CD44: variants seen among roughly 807,000 people sequenced by gnomAD.
The protein encoded by CD44 is CD44 antigen.
Under a neutral mutation model 88.8 loss-of-function variants are expected in CD44, and 49 were observed. The ratio of observed to expected loss-of-function variants is 0.55; its 90% CI spans 0.44 to 0.70. The LOEUF is 0.70. Ranked by LOEUF, CD44 falls within the 30% of genes least tolerant of loss-of-function variation. CD44 has a pLI of 0.00. For missense variants in CD44, 883 were observed against 913.8 expected (o/e 0.97, Z 0.43); for synonymous variants, 325 against 312.3 (o/e 1.04, Z -0.43).
At chr11:35,173,930 A>G (rs1164468117) in intron 1 of CD44, among the ~76,000 whole-genome samples, 1 of 152,212 alleles carries the variant, frequency 6.6e-6, no homozygotes, top group Non-Finnish European at 1.5e-5. Flanking sequence ...CAGGTCTGAG[A>G]TAGATTTCCT....
chr11:35,198,176 T>C lies in CD44; in HGVS notation c.852T>C (p.Asp284=). The change falls in exon 7 of 18, where the codon GAT becomes GAC. Residue 284 remains aspartate (D), a synonymous_variant. Transcript: ENST00000428726. ...GGGAGCCAAATGAAGAAAATGAAGA[T>C]GAAAGAGACAGACACCTCAGTTTTT... ...AGWEPNEENE[D]ERDRHLSFSG... The C allele has an allele frequency of 1.9e-6, 3 of 1,614,014 alleles. No homozygotes were observed. The highest frequency in any genetic ancestry group is 2.2e-5 in the South Asian group (2 of 91,078).
chr11:35,211,731 T>A (rs1478254549), intron 14 of CD44, among the ~76,000 whole-genome samples: 1 of 151,976 alleles, frequency 6.6e-6, no homozygotes, highest in Admixed American at 6.6e-5. Context: ...GCTGTTATGA[T>A]GGAATTGCTT....
chr11:35,161,015 G>A (rs1390975769), intron 1 of CD44, among the ~76,000 whole-genome samples: 1 of 152,140 alleles, frequency 6.6e-6, no homozygotes, highest in African/African-American at 2.4e-5. Context: ...TAGGCTTCTG[G>A]CTCCTAATTA....
intron 17 of CD44, 42 bp from the exon 18 acceptor site, chr11:35,229,087 C>A: frequency 2.0e-6 from 3 of 1,484,036 alleles, no homozygotes; most frequent in South Asian, 2.3e-5. Context: ...ATGCCTGAGT[C>A]ACTGCAATCT....
chr11:35,211,489 A>G (rs1172461331), intron 14 of CD44, 40 bp downstream of exon 14: 2 of 1,450,906 alleles, frequency 1.4e-6, no homozygotes, highest in East Asian at 2.3e-5. Context: ...TTCTCTATAT[A>G]GAGAAACAAT....
At chr11:35,176,018 C>T (rs1944419493) in intron 1 of CD44, among the ~76,000 whole-genome samples, 1 of 148,466 alleles carries the variant, frequency 6.7e-6, no homozygotes, top group African/African-American at 2.5e-5. Flanking sequence ...GCATGTGCCA[C>T]CACACCTGAC....
chr11:35,149,885 G>A (rs552663542), intron 1 of CD44, among the ~76,000 whole-genome samples: 3 of 152,354 alleles, frequency 2.0e-5, no homozygotes, highest in South Asian at 4.1e-4. Flanking sequence ...CAAGAGTGTT[G>A]TAGGGACAAA....
intron 5 of CD44, among the ~76,000 whole-genome samples, chr11:35,192,025 AC>A (rs1487708011): frequency 6.6e-6 from 1 of 152,214 alleles, no homozygotes. Context: ...AGTTGGACTT[AC>A]CTTCATGGAG....
intron 14 of CD44, 153 bp from the exon 15 acceptor site, chr11:35,214,699 G>T (rs1012178073): frequency 1.9e-5 from 8 of 412,362 alleles, no homozygotes; most frequent in African/African-American, 8.2e-5. Flanking sequence ...TAACATTGTG[G>T]ACCCATTCAA....
At chr11:35,152,649 T>G (rs1357299352) in intron 1 of CD44, among the ~76,000 whole-genome samples, 1 of 152,224 alleles carries the variant, frequency 6.6e-6, no homozygotes, top group African/African-American at 2.4e-5. Context: ...CCTCTATCTA[T>G]GTCTCCTGTT....
chr11:35,173,548 A>AT (rs1177088509), intron 1 of CD44, among the ~76,000 whole-genome samples: 2 of 150,932 alleles, frequency 1.3e-5, no homozygotes, highest in Non-Finnish European at 3.0e-5. Context: ...CCTAGTTGTT[A>AT]TTTTCCCCCC....
intron 1 of CD44, among the ~76,000 whole-genome samples, chr11:35,163,802 C>T (rs1187650560): frequency 1.3e-5 from 2 of 152,160 alleles, no homozygotes; most frequent in African/African-American, 4.8e-5. Context: ...CATGATTCTG[C>T]TTCTTGTCTG....
chr11:35,170,416 C>T lies in CD44; in HGVS notation c.68-6159C>T, dbSNP rs192320644. ...CCATGTGGGTAGGGAGATAAGGTTC[C>T]TAGACACTGGGACACTGGTCTCCAT... On this transcript the variant is annotated intron_variant, in intron 1 of 17. Coordinates refer to ENST00000428726, the MANE Select transcript of CD44 (RefSeq NM_000610.4). Among the ~76,000 whole-genome samples the T allele has an allele frequency of 2.7e-3, 410 of 152,308 alleles. 2 individuals carry two copies. Among genetic ancestry groups the T allele is most frequent in the African/African-American group, 8.7e-3 (360 of 41,556 alleles).
At position 35,219,355 on chromosome 11, in the gene CD44, C is replaced by A. The variant is rs939774378; in HGVS notation, c.1913C>A (p.Thr638Asn). The A allele has an allele frequency of 1.2e-6, 2 of 1,613,854 alleles. No homozygotes were observed. The highest frequency in any genetic ancestry group is 1.7e-6 in the Non-Finnish European group (2 of 1,179,844). Reference sequence around the variant, plus strand: ...AGTCAAGAAGGTGGAGCAAACACAACCTCTGGTCCTATAAGGACACCCCAA... The same window carrying A: ...AGTCAAGAAGGTGGAGCAAACACAAACTCTGGTCCTATAAGGACACCCCAA... ...HGSQEGGANT[T>N]SGPIRTPQIP... The change falls in exon 16 of 18, where the codon ACC becomes AAC. Residue 638 changes from threonine (T) to asparagine (N), a missense_variant. This residue lies in a region of CD44 where 631 missense variants were observed against 590.9 expected (regional missense o/e 1.07). Coordinates refer to ENST00000428726, the MANE Select transcript of CD44 (RefSeq NM_000610.4).
intron 1 of CD44, among the ~76,000 whole-genome samples, chr11:35,159,793 G>T (rs1942363722): frequency 6.6e-6 from 1 of 152,170 alleles, no homozygotes; most frequent in African/African-American, 2.4e-5. Context: ...ATATGGTGGG[G>T]CTGGAATTCA....
chr11:35,213,022 C>T (rs541911519), intron 14 of CD44, among the ~76,000 whole-genome samples: 2 of 151,542 alleles, frequency 1.3e-5, no homozygotes, highest in Non-Finnish European at 1.5e-5. Context: ...TGGGGTTTCA[C>T]CATGTTGGCC....
chr11:35,172,280 A>G (rs1192565884), intron 1 of CD44, among the ~76,000 whole-genome samples: 1 of 152,144 alleles, frequency 6.6e-6, no homozygotes, highest in Admixed American at 6.5e-5. Flanking sequence ...TCCTGTTATA[A>G]TTCTCAAAGA....
At chr11:35,205,718 A>G in intron 10 of CD44, 1 of 857,398 alleles carries the variant, frequency 1.2e-6, no homozygotes, top group Non-Finnish European at 1.4e-6. Context: ...CCTAATGTGC[A>G]TTTGGCTGGA....
rs111287251 is a variant in CD44 at position 35,189,887 on chromosome 11, G to A, written c.489G>A (p.Thr163=). The change falls in exon 5 of 18, where the codon ACG becomes ACA. Residue 163 remains threonine (T), a synonymous_variant. Coordinates refer to ENST00000428726, the MANE Select transcript of CD44 (RefSeq NM_000610.4). ...TRYVQKGEYR[T]NPEDIYPSNP... ...ATGTCCAGAAAGGAGAATACAGAAC[G>A]AATCCTGAAGACATCTACCCCAGCA... 711 of 1,614,102 alleles carry A rather than the reference G, an allele frequency of 4.4e-4. 4 individuals carry two copies. In the African/African-American group the frequency reaches 8.5e-3, roughly 19 times the overall value.
Sources: gnomAD v4.1 joint callset for allele counts (sites outside exome capture counted in the v4.1 genomes callset) on GRCh38, gnomAD v4.1.1 for gene constraint, gnomAD v4.1.1 regional missense constraint, MANE v1.5 for transcripts, NCBI Gene and HGNC (gene_info 2026-07-23, HGNC 2026-07-21) for gene names.